TIMMDC1: variants seen among roughly 807,000 people sequenced by gnomAD.
The protein encoded by TIMMDC1 is translocase of inner mitochondrial membrane domain containing 1.
TIMMDC1 carries 25 observed loss-of-function variants against 32.6 expected under a neutral mutation model. The observed-to-expected ratio is 0.77, with a 90% CI of 0.56 to 1.07. The LOEUF is 1.07. Ranked by LOEUF, TIMMDC1 falls within the 50% of genes least tolerant of loss-of-function variation. The pLI, the probability that TIMMDC1 is intolerant of heterozygous loss-of-function variation, is 0.00. For missense variants in TIMMDC1, 329 were observed against 349.2 expected, an observed-to-expected ratio of 0.94 and a Z score of 0.46; for synonymous variants, 130 against 127.6, an observed-to-expected ratio of 1.02 and a Z score of -0.13.
At position 119,524,420 on chromosome 3, in the gene TIMMDC1, G is replaced by GA. The variant is rs1486018615; in HGVS notation, c.*666dup. On this transcript the variant is annotated 3_prime_UTR_variant, in exon 7 of 7. Coordinates refer to ENST00000494664, the MANE Select transcript of TIMMDC1 (RefSeq NM_016589.4). ...AACTGTTACTAAATGGAAAAGAAAA[G>GA]AATTATTGAGTTAAGTATTCCTGTC... 6 of 152,186 alleles carry GA rather than the reference G, an allele frequency of 3.9e-5. No homozygotes were observed. Among genetic ancestry groups the GA allele is most frequent in the African/African-American group, 1.4e-4 (6 of 41,442 alleles). 9.4% of individuals were successfully genotyped at this position (152,186 alleles called of 1,614,324 possible).
chr3:119,518,576 A>G (rs2107734722), intron 6 of TIMMDC1, among the ~76,000 whole-genome samples: 1 of 152,252 alleles, frequency 6.6e-6, no homozygotes, highest in Admixed American at 6.5e-5. Context: ...AAATTAAAAA[A>G]GTAAATGAAA....
At chr3:119,513,769 C>T (rs372508128) in intron 5 of TIMMDC1, 50 bp downstream of exon 5, 10 of 1,171,216 alleles carry the variant, frequency 8.5e-6, no homozygotes, top group Admixed American at 2.5e-5. Context: ...TTCATTAATA[C>T]CTTGCCTATT....
intron 4 of TIMMDC1, among the ~76,000 whole-genome samples, chr3:119,506,579 C>T (rs770912899): frequency 4.0e-5 from 6 of 150,660 alleles, no homozygotes; most frequent in Non-Finnish European, 5.9e-5. Flanking sequence ...TTTCTCTTTC[C>T]ACTTCTTGTC....
Position 119,521,946 on chromosome 3 carries a change from T to C in TIMMDC1, c.708-1660T>C, listed in dbSNP as rs536223145. ...GGATGTAGAAAGAAAAGGGAACTCA[T>C]ATACTTTTGGTAGGAATGCAAATTA... On this transcript the variant is annotated intron_variant, in intron 6 of 6. Coordinates refer to ENST00000494664, the MANE Select transcript of TIMMDC1 (RefSeq NM_016589.4). Among the ~76,000 whole-genome samples the C allele has an allele frequency of 1.0e-3, 155 of 152,280 alleles. 1 individual carries two copies. The highest frequency in any genetic ancestry group is 3.5e-3 in the African/African-American group (146 of 41,568).
In TIMMDC1 at chr3:119,503,527, T is replaced by C. The variant is rs531927123; in HGVS notation, c.361-5T>C. 1.5e-5 allele frequency: 24 copies of C among 1,597,702 alleles called. No homozygotes were observed. In the South Asian group the frequency reaches 2.6e-4, roughly 18 times the overall value. On this transcript the variant is annotated splice_polypyrimidine_tract_variant and splice_region_variant and intron_variant, in intron 2 of 6. Transcript: ENST00000494664. ...AGAACCTCACAGTTTTTTAATTAAC[T>C]TTAGCAATCTGCACATCGTGCTGCC... is the stretch of plus-strand genomic sequence containing the variant.
At chr3:119,520,872 A>G (rs183400691) in intron 6 of TIMMDC1, among the ~76,000 whole-genome samples, 1 of 152,346 alleles carries the variant, frequency 6.6e-6, no homozygotes, top group Non-Finnish European at 1.5e-5. Flanking sequence ...GAGTACATCA[A>G]AAAGATTATA....
At chr3:119,505,618 C>T (rs1023386209) in intron 4 of TIMMDC1, among the ~76,000 whole-genome samples, 8 of 152,180 alleles carry the variant, frequency 5.3e-5, no homozygotes, top group African/African-American at 9.7e-5. Context: ...CCGCCCATCT[C>T]GGCCTCTCAG....
intron 4 of TIMMDC1, among the ~76,000 whole-genome samples, chr3:119,505,532 A>G (rs1184283716): frequency 3.3e-5 from 5 of 151,918 alleles, no homozygotes; most frequent in Non-Finnish European, 1.5e-5. Context: ...TTCCCAGCTA[A>G]TTTTTTGTAT....
chr3:119,514,605 G>C (rs2081973741), intron 5 of TIMMDC1, among the ~76,000 whole-genome samples: 1 of 152,160 alleles, frequency 6.6e-6, no homozygotes, highest in Non-Finnish European at 1.5e-5. Flanking sequence ...CAACATAGGT[G>C]AAGTTGTATC....
At chr3:119,520,124 A>C (rs2082015599) in intron 6 of TIMMDC1, among the ~76,000 whole-genome samples, 1 of 152,190 alleles carries the variant, frequency 6.6e-6, no homozygotes, top group Middle Eastern at 3.2e-3. Context: ...CTAACAGGGA[A>C]GTTTATAGCA....
chr3:119,511,526 A>C (rs2081953030), intron 4 of TIMMDC1, among the ~76,000 whole-genome samples: 1 of 152,096 alleles, frequency 6.6e-6, no homozygotes, highest in Non-Finnish European at 1.5e-5. Context: ...GTAAATCTGC[A>C]CAGTTCAAAC....
At chr3:119,502,539 AT>A (rs1377587979) in intron 2 of TIMMDC1, among the ~76,000 whole-genome samples, 2 of 150,610 alleles carry the variant, frequency 1.3e-5, no homozygotes, top group Non-Finnish European at 3.0e-5. Context: ...GCCTATTTTT[AT>A]TTTTTAATTA....
chr3:119,517,416 C>A, intron 6 of TIMMDC1, 101 bp downstream of exon 6: 1 of 698,766 alleles, frequency 1.4e-6, no homozygotes, highest in Non-Finnish European at 2.6e-6. Flanking sequence ...CCACTCAATT[C>A]AAAGAAGAGT....
Position 119,498,655 on chromosome 3 carries a change from A to C in TIMMDC1, c.-79A>C. 7.1e-7 allele frequency: 1 copy of C among 1,409,766 alleles called. No individual in the cohort carries two copies. Among genetic ancestry groups the C allele is most frequent in the Non-Finnish European group, 9.9e-7 (1 of 1,012,096 alleles). 87.3% of individuals were successfully genotyped at this position (1,409,766 alleles called of 1,614,324 possible). On this transcript the variant is annotated 5_prime_UTR_variant, in exon 1 of 7. Transcript: ENST00000494664. ...AAATGCACGGATTCTCACCTCGTACAGTTACGCTCTCCCGCGGCACGTCCG... is the reference window on the plus strand; with the variant it reads ...AAATGCACGGATTCTCACCTCGTACCGTTACGCTCTCCCGCGGCACGTCCG...
chr3:119,521,329 C>T (rs982180224), intron 6 of TIMMDC1, among the ~76,000 whole-genome samples: 1 of 152,026 alleles, frequency 6.6e-6, no homozygotes, highest in African/African-American at 2.4e-5. Flanking sequence ...CCGAGGCAGG[C>T]GGATCACTTG....
intron 5 of TIMMDC1, among the ~76,000 whole-genome samples, chr3:119,515,399 C>G (rs1399277884): frequency 6.6e-6 from 1 of 152,072 alleles, no homozygotes; most frequent in Non-Finnish European, 1.5e-5. Context: ...TCTCATACTT[C>G]AAATCTTTAA....
At position 119,503,244 on chromosome 3, in the gene TIMMDC1, T is replaced by C. The variant is rs543104539; in HGVS notation, c.361-288T>C. ...ACCAGTAAGTGTTAAAAGCGCATAT[T>C]CCCAAATCTGAAAAAATCCTAAATC... is the stretch of plus-strand genomic sequence containing the variant. On this transcript the variant is annotated intron_variant, in intron 2 of 6. Coordinates refer to ENST00000494664, the MANE Select transcript of TIMMDC1 (RefSeq NM_016589.4). Among the ~76,000 whole-genome samples, 4 of 152,306 alleles carry C rather than the reference T, an allele frequency of 2.6e-5. No homozygotes were observed. The South Asian group carries it at 8.3e-4, about 32-fold the overall frequency.
At chr3:119,512,991 T>G (rs992382988) in intron 4 of TIMMDC1, among the ~76,000 whole-genome samples, 4 of 152,220 alleles carry the variant, frequency 2.6e-5, no homozygotes, top group Non-Finnish European at 2.9e-5. Flanking sequence ...TCCGCCTGCC[T>G]TGGCCTCCCA....
intron 4 of TIMMDC1, among the ~76,000 whole-genome samples, chr3:119,509,729 A>G (rs1189646969): frequency 6.7e-6 from 1 of 149,740 alleles, no homozygotes; most frequent in Non-Finnish European, 1.5e-5. Context: ...TCTGTCGCTC[A>G]GGCTGGAGTG....
Sources: allele counts gnomAD v4.1 joint callset (sites outside exome capture counted in the v4.1 genomes callset), GRCh38; gene constraint gnomAD v4.1.1; transcripts MANE v1.5; gene names NCBI Gene and HGNC (gene_info 2026-07-23, HGNC 2026-07-21).